The following NRG4 variants were observed in gnomAD, a reference collection of about 807,000 sequenced individuals.
NRG4 encodes the protein pro-neuregulin-4, membrane-bound isoform.
Under a neutral mutation model 15.0 loss-of-function variants are expected in NRG4, and 10 were observed. That is an observed-to-expected ratio of 0.67 (90% CI 0.41 to 1.13). The LOEUF (loss-of-function observed/expected upper bound fraction) is 1.13. Ranked by LOEUF, NRG4 falls within the 50% of genes most tolerant of loss-of-function variation. The pLI, the probability that NRG4 is intolerant of heterozygous loss-of-function variation, is 0.00. For missense variants in NRG4, 139 were observed against 140.2 expected (o/e 0.99, Z 0.04); for synonymous variants, 41 against 50.1 (o/e 0.82, Z 0.77).
chr15:75,949,392 CA>C (rs59154521), intron 5 of NRG4, among the ~76,000 whole-genome samples: 24 of 144,408 alleles, frequency 1.7e-4, no homozygotes, highest in African/African-American at 6.2e-4. Context: ...GCCTGGGTGA[CA>C]AAAAAAAAAA....
chr15:76,036,634 T>TGG (rs2035603381), intron 4 of NRG4, among the ~76,000 whole-genome samples: 1 of 152,204 alleles, frequency 6.6e-6, no homozygotes, highest in Admixed American at 6.5e-5. Context: ...GGGGACATAA[T>TGG]GATAATGCCT....
upstream of NRG4, among the ~76,000 whole-genome samples, chr15:76,015,557 G>T (rs1368716431): frequency 6.6e-6 from 1 of 152,084 alleles, no homozygotes; most frequent in Non-Finnish European, 1.5e-5. Flanking sequence ...TAGCATAAAG[G>T]GGTATTGACT....
At chr15:76,009,178 C>T in intron 3 of NRG4, 22 bp downstream of exon 3, 3 of 1,098,872 alleles carry the variant, frequency 2.7e-6, no homozygotes, top group Non-Finnish European at 4.2e-6. Context: ...GTTAACATCT[C>T]CCCCTAGTCC....
intron 3 of NRG4, among the ~76,000 whole-genome samples, chr15:76,006,526 C>T (rs1439295939): frequency 6.6e-6 from 1 of 152,118 alleles, no homozygotes; most frequent in Non-Finnish European, 1.5e-5. Flanking sequence ...TCCCCTACTT[C>T]ACTTCCTTCC....
At chr15:76,025,803 G>A (rs755498902) in intron 5 of NRG4, among the ~76,000 whole-genome samples, 57 of 152,054 alleles carry the variant, frequency 3.7e-4, no homozygotes, top group Admixed American at 2.5e-3. Context: ...CTTGAACCCA[G>A]GAGGTGGAGG....
chr15:75,961,946 A>G lies in NRG4; in HGVS notation c.133T>C (p.Cys45Arg). 6.2e-7 allele frequency: 1 copy of G among 1,613,602 alleles called. No homozygotes were observed. The highest frequency in any genetic ancestry group is 8.5e-7 in the Non-Finnish European group (1 of 1,179,582). Residue 45 changes from cysteine to arginine, a missense_variant, in exon 4 of 6, where the codon TGT (cysteine) becomes CGT (arginine). By Grantham distance (180) the Cys-to-Arg change is radical (BLOSUM62 -3). Coordinates refer to ENST00000394907, the MANE Select transcript of NRG4 (RefSeq NM_138573.4). Reference protein sequence around the residue: ...RCVENYTGARCEEVFLPGSSI... With the variant: ...RCVENYTGARREEVFLPGSSI... Reference sequence around the variant, plus strand: ...GAGCCTGGGAGAAAAACCTCTTCACAACGAGCTCCTGTATAGTTTTCAACG... The same window carrying G: ...GAGCCTGGGAGAAAAACCTCTTCACGACGAGCTCCTGTATAGTTTTCAACG...
downstream of NRG4, chr15:75,938,807 G>A (rs892892437): frequency 6.6e-6 from 1 of 152,158 alleles, no homozygotes; most frequent in Non-Finnish European, 1.5e-5. Context: ...ACAGGATGTA[G>A]TTAGAAATCA....
chr15:75,981,373 C>G (rs989892667), intron 3 of NRG4, among the ~76,000 whole-genome samples: 1 of 152,154 alleles, frequency 6.6e-6, no homozygotes, highest in African/African-American at 2.4e-5. Flanking sequence ...GGAGAACAAC[C>G]ACCCAGCATC....
At chr15:76,053,781 C>T (rs2036082026) in intron 2 of NRG4, among the ~76,000 whole-genome samples, 1 of 150,888 alleles carries the variant, frequency 6.6e-6, no homozygotes, top group Non-Finnish European at 1.5e-5. Flanking sequence ...GTCTCAAACT[C>T]CTGACCTCAA....
intron 4 of NRG4, among the ~76,000 whole-genome samples, chr15:76,043,887 AC>A (rs754233679): frequency 3.3e-5 from 5 of 152,284 alleles, no homozygotes; most frequent in Non-Finnish European, 5.9e-5. Context: ...ACTTCAAATT[AC>A]ACTACAGACC....
intron 3 of NRG4, among the ~76,000 whole-genome samples, chr15:75,990,976 G>A (rs1344269565): frequency 6.6e-6 from 1 of 151,818 alleles, no homozygotes; most frequent in East Asian, 1.9e-4. Flanking sequence ...ACACTCAGCC[G>A]GTAATTTTCA....
At chr15:76,011,182 C>A (rs1262162992) in intron 2 of NRG4, 39 bp downstream of exon 2, 9 of 1,360,004 alleles carry the variant, frequency 6.6e-6, no homozygotes, top group Non-Finnish European at 8.7e-6. Context: ...TTGCTATGGA[C>A]ACATATTGAC....
chr15:76,036,655 G>T (rs1353567959), intron 4 of NRG4, among the ~76,000 whole-genome samples: 1 of 152,162 alleles, frequency 6.6e-6, no homozygotes, highest in Non-Finnish European at 1.5e-5. Flanking sequence ...CATTCAAAGG[G>T]ATATCTGAGT....
chr15:75,995,450 T>A (rs1304926425), intron 3 of NRG4, among the ~76,000 whole-genome samples: 1 of 152,090 alleles, frequency 6.6e-6, no homozygotes, highest in Non-Finnish European at 1.5e-5. Context: ...CTCATTACCA[T>A]GAGGAGGGCA....
At chr15:75,962,057 G>A in intron 3 of NRG4, 83 bp from the exon 4 acceptor site, 1 of 1,007,972 alleles carries the variant, frequency 9.9e-7, no homozygotes, top group Non-Finnish European at 1.4e-6. Context: ...CAGATGACGT[G>A]AAGAAAAAAG....
intron 3 of NRG4, among the ~76,000 whole-genome samples, chr15:75,973,195 T>C (rs2033194255): frequency 6.6e-6 from 1 of 152,200 alleles, no homozygotes; most frequent in Non-Finnish European, 1.5e-5. Flanking sequence ...TGTATAGGAA[T>C]ACTTGTGATT....
intron 4 of NRG4, among the ~76,000 whole-genome samples, chr15:76,051,587 A>G (rs1389250141): frequency 2.1e-5 from 3 of 141,106 alleles, no homozygotes; most frequent in Admixed American, 1.4e-4. Context: ...TTTTTGAGAC[A>G]GAGTCTCGCT....
chr15:76,051,761 C>T (rs1051512127), intron 4 of NRG4, among the ~76,000 whole-genome samples: 3 of 149,580 alleles, frequency 2.0e-5, no homozygotes, highest in Non-Finnish European at 3.0e-5. Context: ...TTAGTAGAGA[C>T]GGGGTTTCAC....
intron 4 of NRG4, chr15:75,959,188 A>C (rs541970932): frequency 5.7e-6 from 2 of 348,220 alleles, no homozygotes; most frequent in South Asian, 2.2e-5. Context: ...GGGTCTTGCT[A>C]TGTTGTCCAG....
Sources: allele counts gnomAD v4.1 joint callset (sites outside exome capture counted in the v4.1 genomes callset), GRCh38; gene constraint gnomAD v4.1.1; transcripts MANE v1.5; gene names NCBI Gene and HGNC (gene_info 2026-07-23, HGNC 2026-07-21).